DOCK3: variants seen among roughly 807,000 people sequenced by gnomAD.
DOCK3 encodes dedicator of cytokinesis 3, also known as dedicator of cytokinesis protein 3.
A neutral mutation model predicts 265.6 loss-of-function variants in DOCK3; 60 were observed. The observed-to-expected ratio is 0.23, with a 90% CI of 0.18 to 0.28. The LOEUF is 0.28. DOCK3 is among the 10% of genes least tolerant of loss of function. DOCK3 has a pLI of 1.00. For missense variants in DOCK3, 1,981 were observed against 2,594.3 expected (o/e 0.76, Z 5.14); for synonymous variants, 881 against 938.0 (o/e 0.94, Z 1.11).
chr3:50,705,033 T>TTG (rs1491347796), intron 1 of DOCK3, among the ~76,000 whole-genome samples: 4 of 392 alleles, frequency 0.01, no homozygotes, highest in Admixed American at 0.071. Flanking sequence ...TGTTTTCTGA[T>TTG]TTTTTTTTTT....
intron 5 of DOCK3, among the ~76,000 whole-genome samples, chr3:50,983,231 C>T (rs1274113853): frequency 6.6e-6 from 1 of 152,062 alleles, no homozygotes; most frequent in Non-Finnish European, 1.5e-5. Flanking sequence ...TGCAGGTGCC[C>T]CTTGGAGCAA....
At chr3:51,212,869 C>A (rs1297894477) in intron 13 of DOCK3, among the ~76,000 whole-genome samples, 3 of 152,040 alleles carry the variant, frequency 2.0e-5, no homozygotes, top group Admixed American at 2.0e-4. Context: ...TGTTTGTAAT[C>A]CCAAAGTTTC....
chr3:50,957,017 G>C (rs1298218476), intron 5 of DOCK3, among the ~76,000 whole-genome samples: 1 of 152,074 alleles, frequency 6.6e-6, no homozygotes, highest in Non-Finnish European at 1.5e-5. Flanking sequence ...TGCCTGCCTT[G>C]CCCTCCCAAA....
chr3:51,226,783 A>T (rs1473060448), intron 15 of DOCK3, among the ~76,000 whole-genome samples: 2 of 152,244 alleles, frequency 1.3e-5, no homozygotes, highest in East Asian at 3.8e-4. Context: ...AGATGGGTTA[A>T]GTTAAATCTG....
intron 5 of DOCK3, among the ~76,000 whole-genome samples, chr3:51,060,962 T>C (rs970966559): frequency 6.6e-6 from 1 of 152,084 alleles, no homozygotes; most frequent in African/African-American, 2.4e-5. Flanking sequence ...CATGAAAAAA[T>C]GCTCTTCATC....
intron 9 of DOCK3, among the ~76,000 whole-genome samples, chr3:51,119,474 TG>T (rs932688010): frequency 4.0e-4 from 61 of 152,292 alleles, no homozygotes; most frequent in African/African-American, 1.4e-3. Context: ...AGTATCTTTG[TG>T]GAGTTCTCTG....
At chr3:51,309,188 C>T (rs1438925173) in intron 27 of DOCK3, among the ~76,000 whole-genome samples, 2 of 152,014 alleles carry the variant, frequency 1.3e-5, no homozygotes, top group Admixed American at 6.6e-5. Flanking sequence ...GGGTGGCGGC[C>T]GGGCAGAGGC....
At position 51,225,655 on chromosome 3, in the gene DOCK3, T is replaced by G. The variant is rs895077026; in HGVS notation, c.1259T>G (p.Ile420Ser). 1.9e-6 allele frequency: 3 copies of G among 1,610,326 alleles called. No individual in the cohort carries two copies. Among genetic ancestry groups the G allele is most frequent in the Admixed American group, 1.7e-5 (1 of 59,302 alleles). Residue 420 changes from isoleucine (I) to serine (S), a missense_variant, in exon 15 of 53, where the codon ATC (isoleucine) becomes AGC (serine). Ile to Ser is a moderately radical substitution (Grantham distance 142). Coordinates refer to ENST00000266037, the MANE Select transcript of DOCK3 (RefSeq NM_004947.5). ...GFPDVIMPGD[I>S]RNDLYLTLEK... ...GGCATTTCTTTCCCCGCAGGTGATATCCGCAATGACCTGTACCTAACCCTG... is the reference window on the plus strand; with the variant it reads ...GGCATTTCTTTCCCCGCAGGTGATAGCCGCAATGACCTGTACCTAACCCTG...
rs1490428271 is a variant in DOCK3, at chr3:51,116,439, A to G, written c.746+26055A>G. 4.1e-5 allele frequency among the ~76,000 whole-genome samples: 5 copies of G among 123,352 alleles called. No individual in the cohort carries two copies. The Admixed American group carries it at 4.7e-4, about 12-fold the overall frequency. 80.9% of individuals were successfully genotyped at this position (123,352 alleles called of 152,430 possible). ...GTACTCCAGCCTGGGCTACAGAGTG[A>G]GACTCCATCTCAAAAAAAAAAAAAA... On this transcript the variant is annotated intron_variant, in intron 9 of 52. Transcript: ENST00000266037.
chr3:50,979,173 A>G (rs1334365511), intron 5 of DOCK3, among the ~76,000 whole-genome samples: 2 of 151,852 alleles, frequency 1.3e-5, no homozygotes, highest in Non-Finnish European at 2.9e-5. Flanking sequence ...CTCCTCCCCC[A>G]GTGTGTTTCA....
intron 2 of DOCK3, among the ~76,000 whole-genome samples, chr3:50,796,826 C>T (rs1261522809): frequency 2.6e-5 from 4 of 151,760 alleles, no homozygotes; most frequent in Non-Finnish European, 5.9e-5. Flanking sequence ...AAGGTGAATT[C>T]AGCCGACTGG....
chr3:51,370,111 G>A (rs2087562536), intron 49 of DOCK3, among the ~76,000 whole-genome samples: 1 of 152,180 alleles, frequency 6.6e-6, no homozygotes, highest in African/African-American at 2.4e-5. Context: ...AGTGATATGT[G>A]TTATCAAGAA....
At chr3:51,270,114 T>G (rs1393368834) in intron 23 of DOCK3, among the ~76,000 whole-genome samples, 1 of 152,190 alleles carries the variant, frequency 6.6e-6, no homozygotes, top group Admixed American at 6.5e-5. Flanking sequence ...AAGCCTAACA[T>G]GCACACTCCC....
intron 3 of DOCK3, among the ~76,000 whole-genome samples, chr3:50,869,717 C>CGT (rs2047346086): frequency 1.3e-5 from 2 of 151,968 alleles, no homozygotes; most frequent in South Asian, 2.1e-4. Context: ...TTGATTTGCT[C>CGT]GCTTTGCTAG....
chr3:51,296,302 A>G (rs1465066520), intron 27 of DOCK3, among the ~76,000 whole-genome samples: 1 of 152,220 alleles, frequency 6.6e-6, no homozygotes, highest in East Asian at 1.9e-4. Flanking sequence ...CAATTCATGT[A>G]GAAATATTGG....
intron 9 of DOCK3, among the ~76,000 whole-genome samples, chr3:51,095,625 G>T (rs2082814203): frequency 6.6e-6 from 1 of 151,654 alleles, no homozygotes; most frequent in African/African-American, 2.4e-5. Flanking sequence ...ATTTACATTT[G>T]ATCTTTATCT....
intron 35 of DOCK3, among the ~76,000 whole-genome samples, chr3:51,337,325 T>C (rs2084937094): frequency 6.6e-6 from 1 of 152,184 alleles, no homozygotes; most frequent in Non-Finnish European, 1.5e-5. Context: ...GAACTGGGTT[T>C]GTCAAATGAC....
chr3:50,694,961 G>T (rs1347925518), intron 1 of DOCK3, among the ~76,000 whole-genome samples: 1 of 152,110 alleles, frequency 6.6e-6, no homozygotes, highest in Admixed American at 6.5e-5. Context: ...TTTCCCTTTG[G>T]GGCAGGCTAG....
chr3:50,913,983 CG>C (rs1378393648), intron 4 of DOCK3, among the ~76,000 whole-genome samples: 1 of 151,930 alleles, frequency 6.6e-6, no homozygotes, highest in Non-Finnish European at 1.5e-5. Context: ...CCTTGTGTTG[CG>C]GGGAGAGGAC....
Sources: gnomAD v4.1 joint callset for allele counts (sites outside exome capture counted in the v4.1 genomes callset) on GRCh38, gnomAD v4.1.1 for gene constraint, MANE v1.5 for transcripts, NCBI Gene and HGNC (gene_info 2026-07-23, HGNC 2026-07-21) for gene names.